CDIP1: variants seen among roughly 807,000 people sequenced by gnomAD.
The protein encoded by CDIP1 is cell death-inducing p53-target protein 1.
CDIP1 carries 9 observed loss-of-function variants against 17.7 expected under a neutral mutation model. The observed-to-expected ratio is 0.51, with a 90% confidence interval of 0.31 to 0.89. The LOEUF (loss-of-function observed/expected upper bound fraction) is 0.89, where lower values mean the gene tolerates loss of function less well. CDIP1 is among the 40% of genes least tolerant of loss of function. The probability of loss-of-function intolerance (pLI) is 0.05; values close to 1 mark genes in which losing one functional copy is unlikely to be tolerated. For missense variants in CDIP1, 263 were observed against 277.9 expected (o/e 0.95, Z 0.38); for synonymous variants, 117 against 109.5 (o/e 1.07, Z -0.43).
rs1255987885 is a variant in CDIP1 at position 4,513,995 on chromosome 16, C to CA, written c.85+50dup. The CA allele has an allele frequency of 7.4e-7, 1 of 1,360,398 alleles. No individual in the cohort carries two copies. Among genetic ancestry groups the CA allele is most frequent in the Non-Finnish European group, 9.9e-7 (1 of 1,007,656 alleles). The allele number at this position is 1,360,398 out of a possible 1,614,324, so 84.3% of individuals were successfully genotyped here. On this transcript the variant is annotated intron_variant, in intron 3 of 5. Transcript: ENST00000567695. The surrounding 1 kb of genome is among the most constrained non-coding windows in gnomAD (Gnocchi z 4.1). ...ACCACTTAGAGAGTCCCAACCATGC[C>CA]ATGGCGGCAGGGGGCTGCAATATGG... is the stretch of plus-strand genomic sequence containing the variant.
chr16:4,534,893 T>C (rs1342147939), intron 1 of CDIP1, among the ~76,000 whole-genome samples: 3 of 151,844 alleles, frequency 2.0e-5, no homozygotes, highest in African/African-American at 7.3e-5. Context: ...TAATTTTGTA[T>C]TTTTAGTAGA....
At chr16:4,527,087 T>C (rs1456957818) in intron 1 of CDIP1, among the ~76,000 whole-genome samples, 2 of 149,402 alleles carry the variant, frequency 1.3e-5, no homozygotes, top group African/African-American at 2.5e-5. Context: ...GAAGACACTG[T>C]TACTTTTTTT....
intron 1 of CDIP1, among the ~76,000 whole-genome samples, chr16:4,519,711 G>T (rs1401830782): frequency 6.6e-6 from 1 of 152,158 alleles, no homozygotes; most frequent in African/African-American, 2.4e-5. Context: ...CTGGGGTGGA[G>T]GAGAAGCGAG....
In CDIP1 at chr16:4,534,319, T is replaced by C. The variant is rs543885714; in HGVS notation, c.-105+4383A>G. 1.7e-4 allele frequency among the ~76,000 whole-genome samples: 26 copies of C among 152,214 alleles called. 1 individual carries two copies. The highest frequency in any genetic ancestry group is 6.0e-4 in the African/African-American group (25 of 41,522). On this transcript the variant is annotated intron_variant, in intron 1 of 5. Transcript: ENST00000567695. ...GAACACAGCCGCAGCCGAGAGAGACTCCACTGCGTCCTCAGGAAAGTACTT... is the reference window on the plus strand; with the variant it reads ...GAACACAGCCGCAGCCGAGAGAGACCCCACTGCGTCCTCAGGAAAGTACTT...
rs780909702 is a variant in CDIP1, at chr16:4,512,491, C to T, written c.*81G>A. The T allele has an allele frequency of 3.4e-5, 34 of 1,002,568 alleles. No homozygotes were observed. Among genetic ancestry groups the T allele is most frequent in the East Asian group, 1.7e-4 (7 of 40,870 alleles). The allele number at this position is 1,002,568 out of a possible 1,614,324, so 62.1% of individuals were successfully genotyped here. On this transcript the variant is annotated 3_prime_UTR_variant, in exon 6 of 6. Coordinates refer to ENST00000567695, the MANE Select transcript of CDIP1 (RefSeq NM_013399.3). This position sits in a 1 kb window ranked among gnomAD's most constrained non-coding sequence, Gnocchi z 4.6. ...CACGGCTCCCAGCCCCAAGTGGGAG[C>T]GGGAAAGTGACCACTGAGCACAGGG...
At chr16:4,516,491 C>G (rs2058889011) in intron 1 of CDIP1, among the ~76,000 whole-genome samples, 1 of 152,102 alleles carries the variant, frequency 6.6e-6, no homozygotes, top group South Asian at 2.1e-4. Flanking sequence ...CATGTCCCTG[C>G]TGGTCTGTAT....
chr16:4,528,683 C>CACAAAAA (rs1555501960), intron 1 of CDIP1, among the ~76,000 whole-genome samples: 32 of 50,950 alleles, frequency 6.3e-4, no homozygotes, highest in African/African-American at 2.5e-3. Flanking sequence ...AACCCTGTCT[C>CACAAAAA]AAAAAAAAAA....
At chr16:4,518,423 C>T (rs1015152959) in intron 1 of CDIP1, among the ~76,000 whole-genome samples, 1 of 152,222 alleles carries the variant, frequency 6.6e-6, no homozygotes, top group Admixed American at 6.5e-5. Flanking sequence ...GGGCTGGCTT[C>T]CCCTCCAGCT....
intron 1 of CDIP1, chr16:4,524,374 A>G (rs926397421): frequency 1.3e-5 from 2 of 152,278 alleles, no homozygotes; most frequent in Admixed American, 6.5e-5. Context: ...CAGACTGGAG[A>G]TTGCCAGCTG....
intron 1 of CDIP1, chr16:4,538,311 C>A (rs1314545475): frequency 2.0e-5 from 3 of 152,374 alleles, no homozygotes; most frequent in Admixed American, 6.5e-5. Flanking sequence ...CCCCAACCGC[C>A]GGCCCCGCTT....
chr16:4,526,135 G>C (rs866890835), intron 1 of CDIP1, among the ~76,000 whole-genome samples: 1 of 152,154 alleles, frequency 6.6e-6, no homozygotes, highest in Non-Finnish European at 1.5e-5. Flanking sequence ...AGCCAGGCAC[G>C]GTGGCTCATG....
intron 1 of CDIP1, among the ~76,000 whole-genome samples, chr16:4,521,855 GGAGT>G (rs965672924): frequency 1.3e-5 from 2 of 152,134 alleles, no homozygotes; most frequent in Admixed American, 1.3e-4. Flanking sequence ...TCTCAGGGTG[GGAGT>G]GAGGTTGAAG....
intron 1 of CDIP1, among the ~76,000 whole-genome samples, chr16:4,519,238 A>T (rs1375547738): frequency 6.6e-6 from 1 of 152,178 alleles, no homozygotes; most frequent in Non-Finnish European, 1.5e-5. Context: ...ACACCATAAC[A>T]ATCAACAGAA....
chr16:4,522,061 A>T (rs1333355631), intron 1 of CDIP1, among the ~76,000 whole-genome samples: 1 of 152,182 alleles, frequency 6.6e-6, no homozygotes, highest in African/African-American at 2.4e-5. Flanking sequence ...GTTCACTAAT[A>T]TGACTACAAG....
Position 4,513,914 on chromosome 16 carries a change from G to C in CDIP1, c.86-63C>G. 1 of 1,476,666 alleles carries C rather than the reference G, an allele frequency of 6.8e-7. No homozygotes were observed. The allele number at this position is 1,476,666 out of a possible 1,614,324, so 91.5% of individuals were successfully genotyped here. A position where few individuals can be genotyped will look rare whatever the true frequency, so the allele number is the denominator to read the frequency against. On this transcript the variant is annotated intron_variant, in intron 3 of 5. Coordinates refer to ENST00000567695, the MANE Select transcript of CDIP1 (RefSeq NM_013399.3). This position sits in a 1 kb window ranked among gnomAD's most constrained non-coding sequence, Gnocchi z 4.1. Reference sequence around the variant, plus strand: ...AGCCTCTGCACGATGAGCTCGACCAGAGGCCACTGTTTTGGGACACAGATG... The same window carrying C: ...AGCCTCTGCACGATGAGCTCGACCACAGGCCACTGTTTTGGGACACAGATG...
At chr16:4,537,051 C>G (rs1288515515) in intron 1 of CDIP1, among the ~76,000 whole-genome samples, 1 of 152,108 alleles carries the variant, frequency 6.6e-6, no homozygotes, top group African/African-American at 2.4e-5. Flanking sequence ...TTTCTAAATA[C>G]CCAGGGCTTC....
chr16:4,519,361 C>T (rs576062310), intron 1 of CDIP1, among the ~76,000 whole-genome samples: 1 of 152,234 alleles, frequency 6.6e-6, no homozygotes. Context: ...CTGATGCTAC[C>T]GTGTCAGATC....
Position 4,511,011 on chromosome 16 carries a change from T to C in CDIP1, c.*1561A>G, listed in dbSNP as rs1172155489. ...GGAGGGCTCCAGCTTGCAGATCCCA[T>C]GCGTGGATGCCATATATAGATGGTT... On this transcript the variant is annotated 3_prime_UTR_variant, in exon 6 of 6. Transcript: ENST00000567695. The C allele has an allele frequency of 6.6e-6, 1 of 152,242 alleles. No individual in the cohort carries two copies. The highest frequency in any genetic ancestry group is 1.5e-5 in the Non-Finnish European group (1 of 68,084). 9.4% of individuals were successfully genotyped at this position (152,242 alleles called of 1,614,324 possible). A position where few individuals can be genotyped will look rare whatever the true frequency, so the allele number is the denominator to read the frequency against.
chr16:4,529,824 A>G lies in CDIP1; in HGVS notation c.-105+8878T>C, dbSNP rs181606105. On this transcript the variant is annotated intron_variant, in intron 1 of 5. Transcript: ENST00000567695. The stretch of plus-strand genomic sequence containing the variant: ...AAAAAAGCACCAGGCCGTTAAGTGC[A>G]GTCAAGACACGTGGCCACTCACGGC... Among the ~76,000 whole-genome samples the G allele has an allele frequency of 1.9e-4, 29 of 152,378 alleles. 1 individual carries two copies. The highest frequency in any genetic ancestry group is 6.5e-4 in the African/African-American group (27 of 41,596).
Sources: gnomAD v4.1 joint callset for allele counts (sites outside exome capture counted in the v4.1 genomes callset) on GRCh38, gnomAD v4.1.1 for gene constraint, Gnocchi (gnomAD v3.1) non-coding constraint, MANE v1.5 for transcripts, NCBI Gene and HGNC (gene_info 2026-07-23, HGNC 2026-07-21) for gene names.